PCGF5: variants seen among roughly 807,000 people sequenced by gnomAD.
The protein encoded by PCGF5 is polycomb group ring finger 5.
Under a neutral mutation model 44.3 loss-of-function variants are expected in PCGF5, and 9 were observed. The observed-to-expected ratio is 0.20, with a 90% CI of 0.12 to 0.35. The LOEUF (loss-of-function observed/expected upper bound fraction) is 0.35. Among genes scored for constraint, PCGF5 ranks in the 10% least tolerant of loss-of-function variants. The pLI is 1.00. For synonymous variants in PCGF5, 95 were observed against 102.5 expected (o/e 0.93, Z 0.44); for missense variants, 146 against 305.3 (o/e 0.48, Z 3.89).
chr10:91,170,311 A>G (rs1843581184), intron 1 of PCGF5, among the ~76,000 whole-genome samples: 1 of 152,234 alleles, frequency 6.6e-6, no homozygotes, highest in Non-Finnish European at 1.5e-5. Context: ...TGCAGAAGAC[A>G]TTGTCAAGAG....
Position 91,238,523 on chromosome 10 carries a change from G to GAACTACA in PCGF5, c.113-1958_113-1952dup, listed in dbSNP as rs1219395491. 5.5e-5 allele frequency among the ~76,000 whole-genome samples: 8 copies of GAACTACA among 145,370 alleles called. 1 individual carries two copies. The South Asian group carries it at 1.6e-3, about 29-fold the overall frequency. ...ACCCGTTGAGTACAATAAACCTTTT[G>GAACTACA]AACTACAAAGATCAGAGCTCCATGT... On this transcript the variant is annotated intron_variant, in intron 2 of 9. Coordinates refer to ENST00000336126, the MANE Select transcript of PCGF5 (RefSeq NM_032373.5).
intron 2 of PCGF5, among the ~76,000 whole-genome samples, chr10:91,229,670 A>G (rs983692033): frequency 6.6e-6 from 1 of 152,154 alleles, no homozygotes; most frequent in Non-Finnish European, 1.5e-5. Flanking sequence ...ACCTGTTTTC[A>G]TGACTATGTA....
Position 91,281,025 on chromosome 10 carries a change from A to G in PCGF5, c.*2709A>G, listed in dbSNP as rs1480921802. ...TTTATCTGCCTTAGAAATTATAAGT[A>G]TAAAAGGGTCAAGGGAACTTAGATA... is the stretch of plus-strand genomic sequence containing the variant. On this transcript the variant is annotated 3_prime_UTR_variant, in exon 10 of 10. Coordinates refer to ENST00000336126, the MANE Select transcript of PCGF5 (RefSeq NM_032373.5). 2 of 152,528 alleles carry G rather than the reference A, an allele frequency of 1.3e-5. No individual in the cohort carries two copies. The highest frequency in any genetic ancestry group is 2.4e-5 in the African/African-American group (1 of 41,462). 9.4% of individuals were successfully genotyped at this position (152,528 alleles called of 1,614,324 possible). A position where few individuals can be genotyped will look rare whatever the true frequency, so the allele number is the denominator to read the frequency against.
At chr10:91,164,243 TGTG>T (rs1189622939) in intron 1 of PCGF5, among the ~76,000 whole-genome samples, 2 of 151,712 alleles carry the variant, frequency 1.3e-5, no homozygotes, top group African/African-American at 4.9e-5. Context: ...CACAATAACT[TGTG>T]GGGGGGTCAG....
chr10:91,213,335 T>A (rs2133255906), intron 1 of PCGF5, among the ~76,000 whole-genome samples: 1 of 152,352 alleles, frequency 6.6e-6, no homozygotes, highest in South Asian at 2.1e-4. Flanking sequence ...TGGATATATC[T>A]GTATGTATTT....
intron 2 of PCGF5, among the ~76,000 whole-genome samples, chr10:91,233,318 C>T (rs561023561): frequency 6.6e-6 from 1 of 152,262 alleles, no homozygotes; most frequent in African/African-American, 2.4e-5. Flanking sequence ...CTTGCTCAGT[C>T]TAAGATCCCC....
intron 9 of PCGF5, among the ~76,000 whole-genome samples, chr10:91,274,117 G>GTA (rs10686374): frequency 0.13 from 19,804 of 151,438 alleles, 2,306 homozygotes; most frequent in African/African-American, 0.31. Flanking sequence ...ATCTGTGTAT[G>GTA]TATATATATA....
chr10:91,173,578 C>T (rs1194752653), intron 1 of PCGF5, among the ~76,000 whole-genome samples: 123 of 115,596 alleles, frequency 1.1e-3, no homozygotes, highest in Admixed American at 2.0e-3. Flanking sequence ...AGGGAGTTGG[C>T]TTTTTTTTTT....
upstream of PCGF5, among the ~76,000 whole-genome samples, chr10:91,159,669 T>C (rs1331188021): frequency 6.6e-6 from 1 of 152,266 alleles, no homozygotes; most frequent in African/African-American, 2.4e-5. Context: ...CAGTCTGAAC[T>C]GGGCAAGAGT....
At chr10:91,185,044 G>A (rs1322665696) in intron 1 of PCGF5, among the ~76,000 whole-genome samples, 1 of 152,212 alleles carries the variant, frequency 6.6e-6, no homozygotes, top group Non-Finnish European at 1.5e-5. Flanking sequence ...TAGAACAGCT[G>A]TACTGTGCTA....
rs558434177 is a variant in PCGF5 at position 91,198,815 on chromosome 10, G to A, written c.-183-23874G>A. On this transcript the variant is annotated intron_variant, in intron 1 of 9. Transcript: ENST00000614189. Reference sequence around the variant, plus strand: ...ATTGGATGTAGTTTTGTGCAATGAAGAGCCCTTCTTCAGATGGGTTATTTC... The same window carrying A: ...ATTGGATGTAGTTTTGTGCAATGAAAAGCCCTTCTTCAGATGGGTTATTTC... Among the ~76,000 whole-genome samples the A allele has an allele frequency of 1.8e-4, 27 of 152,328 alleles. 1 individual carries two copies. The South Asian group carries it at 5.4e-3, about 30-fold the overall frequency.
chr10:91,225,534 A>T (rs1844808234), intron 2 of PCGF5, among the ~76,000 whole-genome samples: 1 of 151,546 alleles, frequency 6.6e-6, no homozygotes, highest in South Asian at 2.1e-4. Context: ...TAAATGATGG[A>T]GTCAGGTACT....
chr10:91,191,099 C>T (rs1281137964), intron 1 of PCGF5, among the ~76,000 whole-genome samples: 1 of 152,030 alleles, frequency 6.6e-6, no homozygotes, highest in Admixed American at 6.6e-5. Context: ...ATACTGAACC[C>T]TATGTATGTT....
chr10:91,176,565 G>T (rs1205397572), intron 1 of PCGF5, among the ~76,000 whole-genome samples: 2 of 152,060 alleles, frequency 1.3e-5, no homozygotes, highest in Non-Finnish European at 2.9e-5. Context: ...ACATAGATTT[G>T]GTATTTTCAC....
At chr10:91,201,547 T>G (rs116319715) in intron 1 of PCGF5, among the ~76,000 whole-genome samples, 1,596 of 152,310 alleles carry the variant, frequency 0.01, 32 homozygotes, top group African/African-American at 0.036. Flanking sequence ...AACAGAGTTA[T>G]GTGTTTGAAG....
At chr10:91,247,718 A>G (rs1259224866) in intron 3 of PCGF5, among the ~76,000 whole-genome samples, 1 of 152,224 alleles carries the variant, frequency 6.6e-6, no homozygotes, top group African/African-American at 2.4e-5. Context: ...TTCAGAAGGT[A>G]GAACAATAAA....
At chr10:91,223,799 G>C (rs186982944) in intron 2 of PCGF5, among the ~76,000 whole-genome samples, 10 of 152,244 alleles carry the variant, frequency 6.6e-5, no homozygotes, top group Admixed American at 2.0e-4. Flanking sequence ...GTAGATGTAG[G>C]GGGAGAGAGA....
In PCGF5 at chr10:91,261,347, C is replaced by A. The variant is rs777571971; in HGVS notation, c.496C>A (p.Arg166=). 4.0e-6 allele frequency: 6 copies of A among 1,495,602 alleles called. No homozygotes were observed. The highest frequency in any genetic ancestry group is 4.0e-5 in the Admixed American group (2 of 50,492). The allele number at this position is 1,495,602 out of a possible 1,614,324, so 92.6% of individuals were successfully genotyped here. ...TTAGGGTTTAATGAAGAAATTCATT[C>A]GATGTTCTACACGTGTAACTGTGGG... is the stretch of plus-strand genomic sequence containing the variant. ...VVKGLMKKFI[R]CSTRVTVGTI... The change falls in exon 7 of 10, where the codon CGA becomes AGA. Residue 166 remains arginine (R), a synonymous_variant. Coordinates refer to ENST00000336126, the MANE Select transcript of PCGF5 (RefSeq NM_032373.5).
chr10:91,238,940 A>G (rs937630171), intron 2 of PCGF5, among the ~76,000 whole-genome samples: 4 of 152,006 alleles, frequency 2.6e-5, no homozygotes, highest in African/African-American at 9.7e-5. Flanking sequence ...GAGAATTGTC[A>G]TGAAGGCAGT....
Sources: gnomAD v4.1 joint callset for allele counts (sites outside exome capture counted in the v4.1 genomes callset) on GRCh38, gnomAD v4.1.1 for gene constraint, MANE v1.5 for transcripts, NCBI Gene and HGNC (gene_info 2026-07-23, HGNC 2026-07-21) for gene names.